Variants in CACNA1C observed in about 807,000 individuals in gnomAD.
The protein encoded by CACNA1C is calcium voltage-gated channel subunit alpha1 C.
CACNA1C carries 30 observed loss-of-function variants against 229.0 expected under a neutral mutation model. The ratio of observed to expected loss-of-function variants is 0.13; its 90% CI spans 0.10 to 0.18. The LOEUF (loss-of-function observed/expected upper bound fraction) is 0.18, where lower values mean the gene tolerates loss of function less well. Ranked by LOEUF, CACNA1C falls within the 10% of genes least tolerant of loss-of-function variation. The pLI is 1.00. For missense variants in CACNA1C, 1,658 were observed against 2,845.0 expected, an observed-to-expected ratio of 0.58 and a Z score of 9.49; for synonymous variants, 1,114 against 1,132.5, an observed-to-expected ratio of 0.98 and a Z score of 0.33.
chr12:2,477,064 A>G (rs1477409076), intron 5 of CACNA1C, among the ~76,000 whole-genome samples: 10 of 152,224 alleles, frequency 6.6e-5, no homozygotes, highest in African/African-American at 2.4e-5. Flanking sequence ...TTTGAAAGCC[A>G]TTAAGCCTGT....
chr12:2,076,007 A>G (rs1466750542), intron 1 of CACNA1C, among the ~76,000 whole-genome samples: 2 of 152,238 alleles, frequency 1.3e-5, no homozygotes, highest in Admixed American at 6.5e-5. Flanking sequence ...GTTGACATCC[A>G]GTTGACACAT....
At chr12:2,671,793 G>A (rs1196892001) in intron 38 of CACNA1C, among the ~76,000 whole-genome samples, 2 of 152,224 alleles carry the variant, frequency 1.3e-5, no homozygotes, top group Non-Finnish European at 2.9e-5. Flanking sequence ...CTACAATCCT[G>A]TCAAGAATTA....
chr12:2,231,698 C>A (rs2065194313), intron 3 of CACNA1C, among the ~76,000 whole-genome samples: 1 of 152,130 alleles, frequency 6.6e-6, no homozygotes, highest in African/African-American at 2.4e-5. Flanking sequence ...AGCTTGAACA[C>A]AGGACCTAAT....
chr12:2,067,489 T>C lies in CACNA1C; in HGVS notation c.49+13878T>C, dbSNP rs1214473315. Among the ~76,000 whole-genome samples, 21 of 130,500 alleles carry C rather than the reference T, an allele frequency of 1.6e-4. No individual in the cohort carries two copies. Among genetic ancestry groups the C allele is most frequent in the East Asian group, 1.4e-3 (6 of 4,248 alleles). The allele number at this position is 130,500 out of a possible 152,430, so 85.6% of individuals were successfully genotyped here. The stretch of plus-strand genomic sequence containing the variant: ...GTGTGTGTGTGTGTGTGTGCGCGCG[T>C]GTGCGTGCCTGTATGTAAGGGCAGG... On this transcript the variant is annotated intron_variant, in intron 1 of 46. Transcript: ENST00000399655. This position sits in a 1 kb window ranked among gnomAD's most constrained non-coding sequence, Gnocchi z 5.3.
At chr12:2,547,821 G>A (rs2099884564) in intron 9 of CACNA1C, among the ~76,000 whole-genome samples, 1 of 152,198 alleles carries the variant, frequency 6.6e-6, no homozygotes, top group Admixed American at 6.5e-5. Flanking sequence ...AGCACACTGT[G>A]AATGCACGGT....
intron 3 of CACNA1C, among the ~76,000 whole-genome samples, chr12:2,128,923 T>C (rs2091284204): frequency 6.6e-6 from 1 of 152,222 alleles, no homozygotes; most frequent in Non-Finnish European, 1.5e-5. Context: ...CTGTGAGATG[T>C]AGCCCTGAAG....
At chr12:2,201,267 C>T (rs541981531) in intron 3 of CACNA1C, among the ~76,000 whole-genome samples, 3 of 152,238 alleles carry the variant, frequency 2.0e-5, no homozygotes, top group African/African-American at 4.8e-5. Flanking sequence ...GCAACTTAGC[C>T]GCAGTTGGAG....
chr12:2,611,555 T>C (rs1218348722), intron 28 of CACNA1C, among the ~76,000 whole-genome samples: 1 of 151,918 alleles, frequency 6.6e-6, no homozygotes, highest in Non-Finnish European at 1.5e-5. Flanking sequence ...CTGGACGCAT[T>C]CGTTGTCGGT....
intron 3 of CACNA1C, among the ~76,000 whole-genome samples, chr12:2,164,180 T>G (rs1216132506): frequency 6.6e-6 from 1 of 152,208 alleles, no homozygotes; most frequent in African/African-American, 2.4e-5. Flanking sequence ...GAATATCCCC[T>G]TGCACCATTT....
At chr12:2,578,571 G>A (rs531721639) in intron 13 of CACNA1C, among the ~76,000 whole-genome samples, 3 of 152,260 alleles carry the variant, frequency 2.0e-5, no homozygotes, top group African/African-American at 4.8e-5. Flanking sequence ...ATGAGGAGGC[G>A]GTGGGAAGTG....
chr12:2,669,000 C>T lies in CACNA1C; in HGVS notation c.4691C>T (p.Ala1564Val). ...GTVMFNATLF[A>V]LVRTALRIKT... The stretch of plus-strand genomic sequence containing the variant: ...GTCATGTTCAATGCCACCCTGTTTG[C>T]CCTGGTCAGGACGGCCCTGAGGATC... Residue 1564 changes from alanine (A) to valine (V), a missense_variant, in exon 38 of 47, where the codon GCC (alanine) becomes GTC (valine). Transcript: ENST00000399655. 6.2e-7 allele frequency: 1 copy of T among 1,614,028 alleles called. No homozygotes were observed. Among genetic ancestry groups the T allele is most frequent in the Non-Finnish European group, 8.5e-7 (1 of 1,179,892 alleles).
intron 3 of CACNA1C, among the ~76,000 whole-genome samples, chr12:2,199,813 T>C (rs1233901176): frequency 1.3e-5 from 2 of 151,538 alleles, no homozygotes; most frequent in African/African-American, 4.9e-5. Context: ...AGCCGAGAGG[T>C]GAAGGCTGCC....
At chr12:2,661,237 G>T (rs932768500) in intron 34 of CACNA1C, among the ~76,000 whole-genome samples, 1 of 150,838 alleles carries the variant, frequency 6.6e-6, no homozygotes, top group Non-Finnish European at 1.5e-5. Flanking sequence ...ACTCCAGCCT[G>T]GGTGATGAAG....
chr12:2,190,642 A>G (rs1302593178), intron 3 of CACNA1C, among the ~76,000 whole-genome samples: 2 of 152,168 alleles, frequency 1.3e-5, no homozygotes, highest in African/African-American at 4.8e-5. Flanking sequence ...TGTTTGTGGA[A>G]AATGGAAATA....
intron 3 of CACNA1C, among the ~76,000 whole-genome samples, chr12:2,330,086 A>C (rs1462703209): frequency 3.9e-5 from 6 of 152,370 alleles, no homozygotes. Context: ...GGGTCTCCCC[A>C]CTCACATGGG....
At chr12:2,427,408 A>C (rs532435750) in intron 3 of CACNA1C, among the ~76,000 whole-genome samples, 25 of 152,256 alleles carry the variant, frequency 1.6e-4, no homozygotes, top group African/African-American at 6.0e-4. Flanking sequence ...CCCTGTGTCC[A>C]TTCCTAACAT....
At chr12:2,645,033 G>A (rs564216556) in intron 30 of CACNA1C, among the ~76,000 whole-genome samples, 3 of 152,226 alleles carry the variant, frequency 2.0e-5, no homozygotes, top group East Asian at 1.9e-4. Flanking sequence ...TATCAATTAC[G>A]TGAACAAATT....
At chr12:2,056,107 C>T (rs2054629644) in intron 1 of CACNA1C, among the ~76,000 whole-genome samples, 1 of 152,094 alleles carries the variant, frequency 6.6e-6, no homozygotes, top group Non-Finnish European at 1.5e-5. Flanking sequence ...GTGCATTCCT[C>T]TCTTCCCGAC....
Position 1,971,924 on chromosome 12 carries a change from A to C in CACNA1C, c.139+723A>C, listed in dbSNP as rs1399463056. 6.6e-6 allele frequency among the ~76,000 whole-genome samples: 1 copy of C among 152,218 alleles called. No homozygotes were observed. Among genetic ancestry groups the C allele is most frequent in the African/African-American group, 2.4e-5 (1 of 41,458 alleles). ...TAATCGTCTAATGAGGACATGTGAT[A>C]ATGTTTGTGTAAATTTTTAAAAGAA... On this transcript the variant is annotated intron_variant, in intron 1 of 46. Coordinates refer to the CACNA1C transcript ENST00000682462. The surrounding 1 kb of genome is among the most constrained non-coding windows in gnomAD (Gnocchi z 4.2).
Sources: allele counts gnomAD v4.1 joint callset (sites outside exome capture counted in the v4.1 genomes callset), GRCh38; gene constraint gnomAD v4.1.1; non-coding constraint Gnocchi (gnomAD v3.1); transcripts MANE v1.5; gene names NCBI Gene and HGNC (gene_info 2026-07-23, HGNC 2026-07-21).